The following CACNA1B variants were observed in gnomAD, a reference collection of about 807,000 sequenced individuals.
CACNA1B encodes the protein calcium voltage-gated channel subunit alpha1 B.
A neutral mutation model predicts 247.2 loss-of-function variants in CACNA1B; 70 were observed. That is an observed-to-expected ratio of 0.28 (90% CI 0.23 to 0.35). The LOEUF (loss-of-function observed/expected upper bound fraction) is 0.35. Ranked by LOEUF, CACNA1B falls within the 10% of genes least tolerant of loss-of-function variation. The pLI is 1.00. For missense variants in CACNA1B, 2,367 were observed against 3,197.4 expected, an observed-to-expected ratio of 0.74 and a Z score of 6.26; for synonymous variants, 1,231 against 1,294.4, an observed-to-expected ratio of 0.95 and a Z score of 1.05.
At position 138,014,268 on chromosome 9, in the gene CACNA1B, G is replaced by C. The variant is rs1483089763; in HGVS notation, c.2267+1033G>C. Among the ~76,000 whole-genome samples the C allele has an allele frequency of 1.3e-5, 2 of 152,300 alleles. No homozygotes were observed. Among genetic ancestry groups the C allele is most frequent in the Non-Finnish European group, 2.9e-5 (2 of 68,022 alleles). ...TTGCACAGTGAGCATGTGTGTGAGTGCATGTGCTGAGTGTGTGCACCCCCA... is the reference window on the plus strand; with the variant it reads ...TTGCACAGTGAGCATGTGTGTGAGTCCATGTGCTGAGTGTGTGCACCCCCA... On this transcript the variant is annotated intron_variant, in intron 18 of 46. Coordinates refer to ENST00000371372, the MANE Select transcript of CACNA1B (RefSeq NM_000718.4). This position sits in a 1 kb window ranked among gnomAD's most constrained non-coding sequence, Gnocchi z 6.2.
intron 18 of CACNA1B, among the ~76,000 whole-genome samples, chr9:138,016,982 C>T (rs187011851): frequency 6.3e-4 from 96 of 152,348 alleles, no homozygotes; most frequent in Middle Eastern, 3.4e-3. Flanking sequence ...CCTGAGGTCT[C>T]GGCTGGTGCC....
chr9:137,905,203 A>G (rs1957284121), intron 3 of CACNA1B, among the ~76,000 whole-genome samples: 2 of 152,180 alleles, frequency 1.3e-5, no homozygotes, highest in East Asian at 3.9e-4. Context: ...AAATACAAAA[A>G]TTAGCCAGGT....
chr9:137,968,336 C>T (rs1480994716), intron 10 of CACNA1B, among the ~76,000 whole-genome samples: 2 of 152,228 alleles, frequency 1.3e-5, no homozygotes, highest in African/African-American at 2.4e-5. Flanking sequence ...GCCCATAACC[C>T]GTGTCACCCT....
At position 138,057,514 on chromosome 9, in the gene CACNA1B, TC is replaced by T. The variant is rs1959555898; in HGVS notation, c.3969-216del. On this transcript the variant is annotated intron_variant, in intron 26 of 46. Transcript: ENST00000371372. The surrounding 1 kb of genome is among the most constrained non-coding windows in gnomAD (Gnocchi z 4.0). Reference sequence around the variant, plus strand: ...CCTCTAAGTGTTTTATAGTTTTAGCTCCTTACACTTAGGTCTGGAATCCATC... The same window carrying T: ...CCTCTAAGTGTTTTATAGTTTTAGCTCTTACACTTAGGTCTGGAATCCATC... 6.6e-6 allele frequency among the ~76,000 whole-genome samples: 1 copy of T among 152,206 alleles called. No homozygotes were observed. Among genetic ancestry groups the T allele is most frequent in the African/African-American group, 2.4e-5 (1 of 41,450 alleles).
intron 36 of CACNA1B, among the ~76,000 whole-genome samples, chr9:138,089,277 GTAAT>G (rs1335757825): frequency 6.6e-6 from 1 of 152,162 alleles, no homozygotes; most frequent in Non-Finnish European, 1.5e-5. Context: ...GTATTTTGTA[GTAAT>G]TAGTAGTAAC....
chr9:138,019,704 A>G (rs1299497760), intron 18 of CACNA1B, among the ~76,000 whole-genome samples: 2 of 152,126 alleles, frequency 1.3e-5, no homozygotes, highest in African/African-American at 4.8e-5. Context: ...CAGTCTTTCC[A>G]CGAGCACTGT....
chr9:137,878,626 G>C (rs1452350668), intron 1 of CACNA1B, among the ~76,000 whole-genome samples: 1 of 152,156 alleles, frequency 6.6e-6, no homozygotes, highest in Non-Finnish European at 1.5e-5. Flanking sequence ...GCGTGCGCTC[G>C]CGATGCGGGC....
chr9:137,926,044 G>A (rs2133297659), intron 6 of CACNA1B, among the ~76,000 whole-genome samples: 1 of 141,240 alleles, frequency 7.1e-6, no homozygotes, highest in Admixed American at 7.3e-5. Flanking sequence ...GTGAGCCACT[G>A]TACCTGGCTT....
Position 138,006,893 on chromosome 9 carries a change from C to T in CACNA1B, c.2092+9C>T. 1 of 1,451,904 alleles carries T rather than the reference C, an allele frequency of 6.9e-7. No homozygotes were observed. The highest frequency in any genetic ancestry group is 1.7e-4 in the Middle Eastern group (1 of 5,774). 89.9% of individuals were successfully genotyped at this position (1,451,904 alleles called of 1,614,324 possible). ...GACACTGTTCGGAAACTGTATCCTT[C>T]TGTGGGGCTGGGGCAGAGGGTGGTC... On this transcript the variant is annotated intron_variant, in intron 16 of 46. Coordinates refer to ENST00000371372, the MANE Select transcript of CACNA1B (RefSeq NM_000718.4).
intron 6 of CACNA1B, among the ~76,000 whole-genome samples, chr9:137,943,976 T>C (rs1957764341): frequency 6.6e-6 from 1 of 152,212 alleles, no homozygotes; most frequent in Non-Finnish European, 1.5e-5. Context: ...GTTGGTCATG[T>C]CTCTCTGGCC....
chr9:137,884,812 G>A (rs1490900367), intron 3 of CACNA1B, among the ~76,000 whole-genome samples: 1 of 151,878 alleles, frequency 6.6e-6, no homozygotes, highest in African/African-American at 2.4e-5. Context: ...CCAAGCCATG[G>A]GCAGGACCCC....
rs1300947243 is a variant in CACNA1B at position 138,113,553 on chromosome 9, C to T, written c.5537-825C>T. Among the ~76,000 whole-genome samples the T allele has an allele frequency of 5.2e-5, 7 of 135,546 alleles. No individual in the cohort carries two copies. In the South Asian group the frequency reaches 1.0e-3, roughly 19 times the overall value. 88.9% of individuals were successfully genotyped at this position (135,546 alleles called of 152,430 possible). On this transcript the variant is annotated intron_variant, in intron 40 of 46. Coordinates refer to ENST00000371372, the MANE Select transcript of CACNA1B (RefSeq NM_000718.4). Reference sequence around the variant, plus strand: ...CCTCCTTGTGGGAGACGTGAGGGAGCGCAGGAAGGTGCCCAACTGCATCTT... The same window carrying T: ...CCTCCTTGTGGGAGACGTGAGGGAGTGCAGGAAGGTGCCCAACTGCATCTT...
chr9:137,933,057 T>C (rs544364969), intron 6 of CACNA1B, among the ~76,000 whole-genome samples: 7 of 152,104 alleles, frequency 4.6e-5, no homozygotes, highest in Non-Finnish European at 1.0e-4. Context: ...CTCAGCCTCC[T>C]GAGTAGCTGG....
intron 15 of CACNA1B, among the ~76,000 whole-genome samples, chr9:138,000,166 T>C (rs1257020000): frequency 6.6e-6 from 1 of 151,310 alleles, no homozygotes; most frequent in Non-Finnish European, 1.5e-5. Flanking sequence ...TGGTGCGATC[T>C]CGGCTCACTG....
chr9:137,923,669 A>G lies in CACNA1B; in HGVS notation c.966+6238A>G, dbSNP rs112611697. On this transcript the variant is annotated intron_variant, in intron 6 of 46. Transcript: ENST00000371372. ...TTCATTTCTCTGGGATAAATGCCAA[A>G]GAGTGCAAATTTCTAGGTATAGTAG... 9.8e-3 allele frequency among the ~76,000 whole-genome samples: 1,497 copies of G among 152,356 alleles called. 8 individuals carry two copies. The highest frequency in any genetic ancestry group is 0.012 in the South Asian group (60 of 4,818).
At chr9:137,988,015 G>A (rs2133384887) in intron 15 of CACNA1B, among the ~76,000 whole-genome samples, 1 of 152,330 alleles carries the variant, frequency 6.6e-6, no homozygotes, top group Admixed American at 6.5e-5. Flanking sequence ...TTCCTCGAGT[G>A]GGAGGCACTT....
At chr9:137,960,269 A>AGGG (rs1958000067) in intron 10 of CACNA1B, among the ~76,000 whole-genome samples, 2 of 126,706 alleles carry the variant, frequency 1.6e-5, no homozygotes, top group African/African-American at 3.1e-5. Context: ...ACACCCGGAG[A>AGGG]GAAGGGAGGT....
At chr9:138,077,181 G>A (rs772291560) in intron 35 of CACNA1B, among the ~76,000 whole-genome samples, 5 of 152,188 alleles carry the variant, frequency 3.3e-5, no homozygotes, top group African/African-American at 4.8e-5. Flanking sequence ...CCTGCCTCCG[G>A]CTGTCATCAG....
chr9:138,056,036 C>A (rs1331547549), intron 26 of CACNA1B, among the ~76,000 whole-genome samples: 1 of 149,688 alleles, frequency 6.7e-6, no homozygotes, highest in African/African-American at 2.4e-5. Flanking sequence ...AAAAAAAAAA[C>A]AAAAACAGAA....
Sources: allele counts gnomAD v4.1 joint callset (sites outside exome capture counted in the v4.1 genomes callset), GRCh38; gene constraint gnomAD v4.1.1; non-coding constraint Gnocchi (gnomAD v3.1); transcripts MANE v1.5; gene names NCBI Gene and HGNC (gene_info 2026-07-23, HGNC 2026-07-21).